PPP1R12B: variants seen among roughly 807,000 people sequenced by gnomAD.
The protein encoded by PPP1R12B is protein phosphatase 1 regulatory subunit 12B.
A neutral mutation model predicts 126.1 loss-of-function variants in PPP1R12B; 76 were observed. The observed-to-expected ratio is 0.60, with a 90% CI of 0.50 to 0.73. PPP1R12B has a LOEUF of 0.73. Ranked by LOEUF, PPP1R12B falls within the 30% of genes least tolerant of loss-of-function variation. The probability of loss-of-function intolerance (pLI) is 0.00; values close to 1 mark genes in which losing one functional copy is unlikely to be tolerated. For synonymous variants in PPP1R12B, 356 were observed against 434.7 expected, an observed-to-expected ratio of 0.82 and a Z score of 2.25; for missense variants, 1,052 against 1,205.1, an observed-to-expected ratio of 0.87 and a Z score of 1.88.
intron 18 of PPP1R12B, among the ~76,000 whole-genome samples, chr1:202,534,746 C>A (rs1366190410): frequency 6.6e-6 from 1 of 151,976 alleles, no homozygotes; most frequent in African/African-American, 2.4e-5. Context: ...GGCTCTTTGC[C>A]TTCTAAGAAA....
At chr1:202,365,964 T>C (rs1222002183) in intron 1 of PPP1R12B, among the ~76,000 whole-genome samples, 1 of 152,134 alleles carries the variant, frequency 6.6e-6, no homozygotes, top group African/African-American at 2.4e-5. Flanking sequence ...CACTCCAGCC[T>C]GGGTGACCGA....
intron 18 of PPP1R12B, among the ~76,000 whole-genome samples, chr1:202,504,380 G>A (rs1377974764): frequency 3.3e-5 from 5 of 152,038 alleles, no homozygotes; most frequent in African/African-American, 2.4e-5. Context: ...GCAACAGAGC[G>A]AGACCCTGTC....
At chr1:202,490,679 T>C (rs1198719031) in intron 14 of PPP1R12B, among the ~76,000 whole-genome samples, 1 of 152,236 alleles carries the variant, frequency 6.6e-6, no homozygotes, top group South Asian at 2.1e-4. Flanking sequence ...TTTCTGTCTA[T>C]GAACTTGACT....
chr1:202,525,318 A>G (rs1364893383), intron 18 of PPP1R12B, among the ~76,000 whole-genome samples: 1 of 152,230 alleles, frequency 6.6e-6, no homozygotes, highest in African/African-American at 2.4e-5. Flanking sequence ...GTATCAAATA[A>G]CAGAAAGAAA....
chr1:202,429,424 A>G (rs1669934882), intron 6 of PPP1R12B, among the ~76,000 whole-genome samples: 2 of 152,234 alleles, frequency 1.3e-5, no homozygotes, highest in African/African-American at 4.8e-5. Flanking sequence ...TCAGTGATTC[A>G]TACTTACTCC....
chr1:202,522,541 G>A (rs1442940250), intron 18 of PPP1R12B, among the ~76,000 whole-genome samples: 1 of 151,910 alleles, frequency 6.6e-6, no homozygotes, highest in Non-Finnish European at 1.5e-5. Flanking sequence ...TCAATAGAGG[G>A]CAGGAAAGAA....
At chr1:202,527,594 G>C (rs1683480455) in intron 18 of PPP1R12B, among the ~76,000 whole-genome samples, 1 of 151,946 alleles carries the variant, frequency 6.6e-6, no homozygotes, top group South Asian at 2.1e-4. Context: ...CACTCTTCTG[G>C]GAAAATATAA....
chr1:202,577,581 T>A (rs1276935052), intron 23 of PPP1R12B, among the ~76,000 whole-genome samples: 1 of 152,156 alleles, frequency 6.6e-6, no homozygotes, highest in Non-Finnish European at 1.5e-5. Flanking sequence ...TTTTTTTTTT[T>A]TAATAGTTCC....
chr1:202,467,650 T>A lies in PPP1R12B; in HGVS notation c.1850+18479T>A, dbSNP rs576793902. 2.6e-4 allele frequency among the ~76,000 whole-genome samples: 39 copies of A among 152,308 alleles called. No homozygotes were observed. The East Asian group carries it at 7.3e-3, about 29-fold the overall frequency. ...GTTGGACATTTGGGTTGGTTCCAAG[T>A]CTTTGCTATTGTGAATAGTGCTTCA... On this transcript the variant is annotated intron_variant, in intron 13 of 23. Transcript: ENST00000608999.
At chr1:202,576,094 G>A (rs1572563864) in intron 23 of PPP1R12B, 1 of 152,222 alleles carries the variant, frequency 6.6e-6, no homozygotes, top group East Asian at 1.9e-4. Flanking sequence ...TGTGGGCTGT[G>A]AGGCAGAACA....
chr1:202,416,470 G>A (rs1262207958), intron 1 of PPP1R12B, among the ~76,000 whole-genome samples: 6 of 147,074 alleles, frequency 4.1e-5, no homozygotes, highest in Non-Finnish European at 8.9e-5. Flanking sequence ...AGGTTGCGGT[G>A]AGCTGAGATC....
At chr1:202,534,224 T>C (rs189289006) in intron 18 of PPP1R12B, among the ~76,000 whole-genome samples, 6 of 152,362 alleles carry the variant, frequency 3.9e-5, no homozygotes, top group Non-Finnish European at 8.8e-5. Flanking sequence ...CCTTGTGTCA[T>C]ATCATTTAAG....
chr1:202,442,344 C>A, intron 11 of PPP1R12B, 103 bp from the exon 12 acceptor site: 1 of 1,290,660 alleles, frequency 7.7e-7, no homozygotes, highest in Non-Finnish European at 1.1e-6. Context: ...GTCTATTAGC[C>A]ATGTTATAGT....
intron 18 of PPP1R12B, among the ~76,000 whole-genome samples, chr1:202,511,996 T>C (rs1274303024): frequency 1.3e-5 from 2 of 152,144 alleles, no homozygotes; most frequent in Non-Finnish European, 2.9e-5. Flanking sequence ...ATTTGGACTT[T>C]ATGGGAGATA....
intron 1 of PPP1R12B, among the ~76,000 whole-genome samples, chr1:202,370,833 C>T (rs1027466903): frequency 3.9e-5 from 6 of 151,958 alleles, no homozygotes; most frequent in Admixed American, 2.0e-4. Context: ...CCATCGTGCC[C>T]GGCTGAGAAT....
intron 1 of PPP1R12B, among the ~76,000 whole-genome samples, chr1:202,376,502 A>G (rs1411408110): frequency 3.9e-5 from 6 of 152,314 alleles, no homozygotes; most frequent in African/African-American, 7.2e-5. Flanking sequence ...AAGCAAACTG[A>G]AAGTATAAAT....
chr1:202,374,494 T>C (rs1177107014), intron 1 of PPP1R12B, among the ~76,000 whole-genome samples: 1 of 7,478 alleles, frequency 1.3e-4, no homozygotes, highest in African/African-American at 1.7e-4. Flanking sequence ...TGTCTCTCTC[T>C]TTTTTTTTTT....
At chr1:202,372,451 C>T (rs1348267681) in intron 1 of PPP1R12B, among the ~76,000 whole-genome samples, 4 of 151,866 alleles carry the variant, frequency 2.6e-5, no homozygotes, top group Non-Finnish European at 5.9e-5. Context: ...CTGCAGTGAG[C>T]TGAGATCAAC....
At chr1:202,387,776 A>G (rs951541193) in intron 1 of PPP1R12B, among the ~76,000 whole-genome samples, 4 of 152,292 alleles carry the variant, frequency 2.6e-5, no homozygotes, top group East Asian at 1.9e-4. Flanking sequence ...GTTTTCTATA[A>G]TAGATGCACT....
Sources: gnomAD v4.1 joint callset for allele counts (sites outside exome capture counted in the v4.1 genomes callset) on GRCh38, gnomAD v4.1.1 for gene constraint, MANE v1.5 for transcripts, NCBI Gene and HGNC (gene_info 2026-07-23, HGNC 2026-07-21) for gene names.